The following ITGA9 variants were observed in gnomAD, a reference collection of about 807,000 sequenced individuals.
ITGA9 encodes integrin subunit alpha 9.
In ITGA9, 56 loss-of-function variants were observed where a neutral mutation model predicts 127.8. That is an observed-to-expected ratio of 0.44 (90% CI 0.35 to 0.55). The LOEUF (loss-of-function observed/expected upper bound fraction) is 0.55, where lower values mean the gene tolerates loss of function less well. Ranked by LOEUF, ITGA9 falls within the 20% of genes least tolerant of loss-of-function variation. The pLI, the probability that ITGA9 is intolerant of heterozygous loss-of-function variation, is 0.00. For missense variants in ITGA9, 1,196 were observed against 1,347.1 expected (o/e 0.89, Z 1.76); for synonymous variants, 508 against 514.5 (o/e 0.99, Z 0.17).
chr3:37,531,614 G>A (rs956067152), intron 13 of ITGA9, among the ~76,000 whole-genome samples: 2 of 152,130 alleles, frequency 1.3e-5, no homozygotes, highest in Non-Finnish European at 2.9e-5. Context: ...CTTTTCTTCT[G>A]TACCATGACC....
chr3:37,774,961 A>G (rs933062089), intron 23 of ITGA9, among the ~76,000 whole-genome samples: 3 of 152,048 alleles, frequency 2.0e-5, no homozygotes, highest in Non-Finnish European at 2.9e-5. Flanking sequence ...TTGTTTTATA[A>G]TTCACTATTA....
At chr3:37,683,785 C>G (rs535486735) in intron 17 of ITGA9, 80 bp from the exon 18 acceptor site, 8 of 1,454,872 alleles carry the variant, frequency 5.5e-6, no homozygotes, top group East Asian at 2.3e-5. Flanking sequence ...TTCTGCCCCC[C>G]ACCTTCAACT....
At chr3:37,542,393 T>G in intron 14 of ITGA9, 32 bp from the exon 15 acceptor site, 1 of 1,612,118 alleles carries the variant, frequency 6.2e-7, no homozygotes, top group Non-Finnish European at 8.5e-7. Context: ...TGTCGGTCCT[T>G]TCTGACATTT....
intron 13 of ITGA9, among the ~76,000 whole-genome samples, chr3:37,530,434 A>G (rs534279432): frequency 6.6e-6 from 1 of 152,296 alleles, no homozygotes; most frequent in East Asian, 1.9e-4. Context: ...TGGGTTAGGA[A>G]TGCTATGGGC....
chr3:37,809,352 CT>C (rs1697338788), intron 27 of ITGA9, among the ~76,000 whole-genome samples: 1 of 152,146 alleles, frequency 6.6e-6, no homozygotes, highest in African/African-American at 2.4e-5. Context: ...TCCCAAAGTG[CT>C]GGGATTACAG....
At chr3:37,521,161 C>G (rs1699040472) in intron 11 of ITGA9, among the ~76,000 whole-genome samples, 1 of 152,164 alleles carries the variant, frequency 6.6e-6, no homozygotes, top group African/African-American at 2.4e-5. Context: ...TGTACGTTCC[C>G]AAGCTGCTAA....
chr3:37,503,810 G>C (rs1698813831), intron 6 of ITGA9, among the ~76,000 whole-genome samples: 1 of 152,174 alleles, frequency 6.6e-6, no homozygotes, highest in South Asian at 2.1e-4. Flanking sequence ...TAATCTTCTG[G>C]AAAGAAGATA....
chr3:37,777,314 G>A (rs2276003), intron 23 of ITGA9, 78 bp from the exon 24 acceptor site: 15 of 1,521,554 alleles, frequency 9.9e-6, no homozygotes, highest in Non-Finnish European at 1.2e-5. Flanking sequence ...TACCACTCCT[G>A]CCTCTACAAT....
intron 1 of ITGA9, among the ~76,000 whole-genome samples, chr3:37,455,943 A>G (rs1183431905): frequency 6.6e-6 from 1 of 152,156 alleles, no homozygotes; most frequent in Non-Finnish European, 1.5e-5. Context: ...CACTTCTCTA[A>G]TCCCATAACT....
In ITGA9 at chr3:37,542,588, C is replaced by T; in HGVS notation, c.1689+3C>T. On this transcript the variant is annotated splice_donor_region_variant and intron_variant, in intron 15 of 27. Coordinates refer to ENST00000264741, the MANE Select transcript of ITGA9 (RefSeq NM_002207.3). ...GTCACTATGTGGCCCATGTGAAGGT[C>T]AGTCCTCTCCTCCTTTTTATCCTCA... 6.2e-7 allele frequency: 1 copy of T among 1,614,060 alleles called. No individual in the cohort carries two copies. Among genetic ancestry groups the T allele is most frequent in the South Asian group, 1.1e-5 (1 of 91,036 alleles).
chr3:37,783,100 T>C (rs983423262), intron 25 of ITGA9, among the ~76,000 whole-genome samples: 4 of 151,812 alleles, frequency 2.6e-5, no homozygotes, highest in Admixed American at 6.6e-5. Context: ...GATCGTGCCA[T>C]TGCACTCCAG....
chr3:37,741,435 C>T (rs192232222), intron 20 of ITGA9, among the ~76,000 whole-genome samples: 41 of 152,316 alleles, frequency 2.7e-4, no homozygotes, highest in African/African-American at 8.9e-4. Flanking sequence ...GTATGGCATG[C>T]CTTTATTGTC....
intron 3 of ITGA9, among the ~76,000 whole-genome samples, chr3:37,476,300 C>T (rs998843877): frequency 2.6e-5 from 4 of 152,104 alleles, no homozygotes; most frequent in Non-Finnish European, 5.9e-5. Flanking sequence ...TTTAAGTTCT[C>T]ACCAACAGTG....
chr3:37,462,516 A>G (rs187636011), intron 1 of ITGA9, among the ~76,000 whole-genome samples: 94 of 152,294 alleles, frequency 6.2e-4, no homozygotes, highest in African/African-American at 2.0e-3. Context: ...AAGCCAAGTC[A>G]CTTGTCCAAG....
intron 15 of ITGA9, among the ~76,000 whole-genome samples, chr3:37,575,579 G>A (rs1699646004): frequency 6.6e-6 from 1 of 152,138 alleles, no homozygotes. Flanking sequence ...GGCCAAGAAA[G>A]GAAAGCAGCT....
intron 23 of ITGA9, among the ~76,000 whole-genome samples, chr3:37,764,715 C>G (rs559652313): frequency 6.6e-6 from 1 of 152,300 alleles, no homozygotes; most frequent in African/African-American, 2.4e-5. Context: ...ACTCATTCTT[C>G]AAGACCCAGT....
intron 17 of ITGA9, among the ~76,000 whole-genome samples, chr3:37,664,227 C>A (rs1158182649): frequency 6.6e-6 from 1 of 152,118 alleles, no homozygotes; most frequent in Non-Finnish European, 1.5e-5. Flanking sequence ...GTCTTCCTCT[C>A]TTTGAAAGCC....
chr3:37,535,480 C>T (rs1699199112), intron 14 of ITGA9, among the ~76,000 whole-genome samples: 1 of 152,212 alleles, frequency 6.6e-6, no homozygotes, highest in African/African-American at 2.4e-5. Context: ...GAGCCTTTCA[C>T]AGACTGCTAA....
rs569047284 is a variant in ITGA9, at chr3:37,543,113, G to A, written c.1689+528G>A. On this transcript the variant is annotated intron_variant, in intron 15 of 27. Coordinates refer to ENST00000264741, the MANE Select transcript of ITGA9 (RefSeq NM_002207.3). The stretch of plus-strand genomic sequence containing the variant: ...TTCCCCTCGCACTCTAAATAAACTT[G>A]CAAATGTTTTTCTCCTCTTGAAATT... 3.2e-4 allele frequency among the ~76,000 whole-genome samples: 49 copies of A among 152,278 alleles called. 1 individual carries two copies. The highest frequency in any genetic ancestry group is 5.6e-4 in the Non-Finnish European group (38 of 68,020).
Sources: gnomAD v4.1 joint callset for allele counts (sites outside exome capture counted in the v4.1 genomes callset) on GRCh38, gnomAD v4.1.1 for gene constraint, MANE v1.5 for transcripts, NCBI Gene and HGNC (gene_info 2026-07-23, HGNC 2026-07-21) for gene names.